The following KIF24 variants were observed in gnomAD, a reference collection of about 807,000 sequenced individuals.
KIF24 encodes kinesin-like protein KIF24.
In KIF24, 81 loss-of-function variants were observed where a neutral mutation model predicts 118.9. The ratio of observed to expected loss-of-function variants is 0.68; its 90% confidence interval spans 0.57 to 0.82. The LOEUF (loss-of-function observed/expected upper bound fraction) is 0.82, where lower values mean the gene tolerates loss of function less well. KIF24 is among the 40% of genes least tolerant of loss of function. KIF24 has a pLI of 0.00. For missense variants in KIF24, 1,560 were observed against 1,661.6 expected, an observed-to-expected ratio of 0.94 and a Z score of 1.06; for synonymous variants, 599 against 610.0, an observed-to-expected ratio of 0.98 and a Z score of 0.27.
chr9:34,315,985 T>C (rs1837313785), intron 1 of KIF24, among the ~76,000 whole-genome samples: 1 of 151,080 alleles, frequency 6.6e-6, no homozygotes, highest in African/African-American at 2.4e-5. Flanking sequence ...GCTGAGATTG[T>C]GCCATTGCAC....
At chr9:34,291,017 C>G (rs542425813) in intron 4 of KIF24, among the ~76,000 whole-genome samples, 85 of 152,198 alleles carry the variant, frequency 5.6e-4, no homozygotes, top group Admixed American at 9.8e-4. Context: ...AATTCCTACC[C>G]CATGCTAGGT....
chr9:34,259,520 C>T (rs1834976451), intron 10 of KIF24, 76 bp downstream of exon 10: 1 of 1,070,994 alleles, frequency 9.3e-7, no homozygotes, highest in Non-Finnish European at 1.4e-6. Flanking sequence ...CGCGTGCACA[C>T]ATGCTCACAC....
In KIF24 at chr9:34,255,794, A is replaced by C. The variant is rs1200111721; in HGVS notation, c.3813T>G (p.Val1271=). 1 of 1,613,810 alleles carries C rather than the reference A, an allele frequency of 6.2e-7. No homozygotes were observed. Among genetic ancestry groups the C allele is most frequent in the Non-Finnish European group, 8.5e-7 (1 of 1,179,870 alleles). ...RCLARPSSPL[V]PSCSPKTAGT... is the part of the protein sequence containing the mutation. ...CTGCAGTCTTGGGAGAGCAGCTGGG[A>C]ACCAAGGGAGAACTTGGCCTTGCTA... is the stretch of plus-strand genomic sequence containing the variant. Residue 1271 remains valine, a synonymous_variant, in exon 11 of 13, where the codon GTT becomes GTG. Coordinates refer to ENST00000402558, the MANE Select transcript of KIF24 (RefSeq NM_194313.4).
chr9:34,331,040 C>T (rs1163343397), upstream of KIF24, among the ~76,000 whole-genome samples: 1 of 152,032 alleles, frequency 6.6e-6, no homozygotes, highest in Non-Finnish European at 1.5e-5. Flanking sequence ...CTTTTTGTAA[C>T]TGAGTACCCA....
chr9:34,296,474 T>C (rs141803173), intron 4 of KIF24, among the ~76,000 whole-genome samples: 4,068 of 151,418 alleles, frequency 0.027, 191 homozygotes, highest in African/African-American at 0.094. Flanking sequence ...GAGGCAGAGC[T>C]TGCAGTGAGC....
rs775788089 is a variant in KIF24, at chr9:34,271,904, G to T, written c.1242C>A (p.Arg414=). ...LEVILKGSKE[R]STGATGVNAD... is the part of the protein sequence containing the mutation. ...CATTAACTCCAGTGGCCCCAGTGCTGCGCTCCTTGCTGCCCTTTAAGATCA... is the reference window on the plus strand; with the variant it reads ...CATTAACTCCAGTGGCCCCAGTGCTTCGCTCCTTGCTGCCCTTTAAGATCA... The change falls in exon 7 of 13, where the codon CGC becomes CGA. Residue 414 remains arginine (R), a synonymous_variant. Transcript: ENST00000402558. The T allele has an allele frequency of 6.2e-6, 10 of 1,602,884 alleles. No individual in the cohort carries two copies. The highest frequency in any genetic ancestry group is 4.3e-6 in the Non-Finnish European group (5 of 1,174,324).
At chr9:34,332,024 C>G (rs1333077506), upstream of KIF24, among the ~76,000 whole-genome samples, 3 of 152,194 alleles carry the variant, frequency 2.0e-5, no homozygotes, top group African/African-American at 4.8e-5. Flanking sequence ...CATTTGTTAA[C>G]TGGTCTGTTG....
At chr9:34,325,946 G>T (rs1837658517) in intron 1 of KIF24, among the ~76,000 whole-genome samples, 3 of 152,178 alleles carry the variant, frequency 2.0e-5, no homozygotes, top group Admixed American at 2.0e-4. Flanking sequence ...AATTGATATG[G>T]ACACAGATAT....
intron 3 of KIF24, among the ~76,000 whole-genome samples, chr9:34,305,804 C>A (rs535129946): frequency 3.0e-4 from 46 of 152,122 alleles, no homozygotes; most frequent in African/African-American, 1.0e-3. Context: ...CAGGATCTCG[C>A]TATGGTGCCC....
rs951887945 is a variant in KIF24, at chr9:34,306,262, T to C, written c.803A>G (p.Tyr268Cys). 4 of 1,595,246 alleles carry C rather than the reference T, an allele frequency of 2.5e-6. No homozygotes were observed. The highest frequency in any genetic ancestry group is 2.3e-5 in the South Asian group (2 of 87,876). The part of the protein sequence containing the change: ...EKKEAVDLTQ[Y>C]ILQHVFYFDE... ...ACGAAAACATCATACCTGCAGAATA[T>C]ATTGAGTGAGGTCAACTGCTTCTTT... is the stretch of plus-strand genomic sequence containing the variant. Residue 268 changes from tyrosine (Y) to cysteine (C), a missense_variant, in exon 3 of 13, where the codon TAT (tyrosine) becomes TGT (cysteine). Coordinates refer to ENST00000402558, the MANE Select transcript of KIF24 (RefSeq NM_194313.4).
At chr9:34,307,202 A>C (rs776815540) in intron 2 of KIF24, among the ~76,000 whole-genome samples, 4 of 152,102 alleles carry the variant, frequency 2.6e-5, no homozygotes, top group Non-Finnish European at 5.9e-5. Context: ...AGTAGCTAGG[A>C]CTATAGCATA....
At chr9:34,267,179 A>G (rs1472818359) in intron 8 of KIF24, among the ~76,000 whole-genome samples, 1 of 152,186 alleles carries the variant, frequency 6.6e-6, no homozygotes, top group Non-Finnish European at 1.5e-5. Context: ...AATAATAGAT[A>G]TAGATGAGAT....
intron 1 of KIF24, among the ~76,000 whole-genome samples, chr9:34,322,472 G>A (rs1249539465): frequency 6.6e-6 from 1 of 151,892 alleles, no homozygotes; most frequent in East Asian, 1.9e-4. Flanking sequence ...TAAAGTGCTA[G>A]GACAGGCATG....
chr9:34,295,194 T>TAGACAGACAGACAGACAGAC lies in KIF24; in HGVS notation c.911+1803_911+1822dup, dbSNP rs111912796. 1.1e-3 allele frequency among the ~76,000 whole-genome samples: 159 copies of TAGACAGACAGACAGACAGAC among 149,688 alleles called. 1 individual carries two copies. The Middle Eastern group carries it at 0.014, about 13-fold the overall frequency. ...TAGGTAGGTGGATTGGATGGATGGA[T>TAGACAGACAGACAGACAGAC]AGACAGACAGACAGACAGACAGACA... is the stretch of plus-strand genomic sequence containing the variant. On this transcript the variant is annotated intron_variant, in intron 4 of 12. Coordinates refer to ENST00000402558, the MANE Select transcript of KIF24 (RefSeq NM_194313.4).
intron 9 of KIF24, among the ~76,000 whole-genome samples, chr9:34,260,357 CTAAA>C (rs1835008840): frequency 6.6e-6 from 1 of 151,968 alleles, no homozygotes; most frequent in African/African-American, 2.4e-5. Context: ...AGGGAACAAA[CTAAA>C]TAATTATACA....
upstream of KIF24, among the ~76,000 whole-genome samples, chr9:34,331,840 CCCT>C (rs969266083): frequency 2.0e-5 from 3 of 152,292 alleles, no homozygotes; most frequent in Non-Finnish European, 4.4e-5. Context: ...CACTTGCACC[CCCT>C]CCTCCACCCA....
At chr9:34,329,083 C>T (rs1289141234) in intron 1 of KIF24, among the ~76,000 whole-genome samples, 23 bp downstream of exon 1, 1 of 152,252 alleles carries the variant, frequency 6.6e-6, no homozygotes, top group East Asian at 1.9e-4. Flanking sequence ...TACCCCTCCT[C>T]TATTCTCCCC....
chr9:34,300,758 C>T (rs1836668233), intron 3 of KIF24, among the ~76,000 whole-genome samples: 1 of 149,816 alleles, frequency 6.7e-6, no homozygotes, highest in South Asian at 2.1e-4. Flanking sequence ...CAAATTATCA[C>T]CATAGGTTTT....
intron 9 of KIF24, 65 bp from the exon 10 acceptor site, chr9:34,259,770 CTA>C: frequency 9.8e-7 from 1 of 1,016,148 alleles, no homozygotes; most frequent in Non-Finnish European, 1.6e-6. Flanking sequence ...TGACTACTTA[CTA>C]GGTGCAGGAT....
Sources: gnomAD v4.1 joint callset for allele counts (sites outside exome capture counted in the v4.1 genomes callset) on GRCh38, gnomAD v4.1.1 for gene constraint, MANE v1.5 for transcripts, NCBI Gene and HGNC (gene_info 2026-07-23, HGNC 2026-07-21) for gene names.